Variants in LRBA observed in about 807,000 individuals in gnomAD.
The protein encoded by LRBA is lipopolysaccharide-responsive and beige-like anchor protein.
Under a neutral mutation model 330.0 loss-of-function variants are expected in LRBA, and 176 were observed. That is an observed-to-expected ratio of 0.53 (90% CI 0.47 to 0.60). The LOEUF is 0.60. Among genes scored for constraint, LRBA ranks in the 20% least tolerant of loss-of-function variants. The pLI, the probability that LRBA is intolerant of heterozygous loss-of-function variation, is 0.00. For missense variants in LRBA, 3,259 were observed against 3,444.8 expected, an observed-to-expected ratio of 0.95 and a Z score of 1.35; for synonymous variants, 1,230 against 1,193.0, an observed-to-expected ratio of 1.03 and a Z score of -0.64.
At chr4:150,422,945 T>C in intron 46 of LRBA, 2 of 786,442 alleles carry the variant, frequency 2.5e-6, no homozygotes, top group South Asian at 1.3e-5. Flanking sequence ...ACTTCATTCT[T>C]AATGACGTTC....
chr4:150,950,329 A>ATTCAAATCAATTTGAGTTTATG, intron 2 of LRBA, among the ~76,000 whole-genome samples: 1 of 152,334 alleles, frequency 6.6e-6, no homozygotes, highest in East Asian at 1.9e-4. Context: ...TGAATTTCAT[A>ATTCAAATCAATTTGAGTTTATG]TTCAAATCAA....
rs911783652 is a variant in LRBA at position 150,544,646 on chromosome 4, CCT to C, written c.6330+43400_6330+43401del. 3.3e-5 allele frequency among the ~76,000 whole-genome samples: 5 copies of C among 152,122 alleles called. No homozygotes were observed. The East Asian group carries it at 5.8e-4, about 18-fold the overall frequency. ...GTATATTGAAGCTTGTTGTTCACCC[CCT>C]GTTGGCATGTAAGCTCTGTAACATT... On this transcript the variant is annotated intron_variant, in intron 40 of 56. Transcript: ENST00000651943.
At chr4:150,579,793 C>T in intron 40 of LRBA, 1 of 451,858 alleles carries the variant, frequency 2.2e-6, no homozygotes, top group Non-Finnish European at 4.4e-6. Flanking sequence ...CCAACTCCGC[C>T]ACCCCTGAGG....
In LRBA at chr4:150,853,317, G is replaced by T. The variant is rs182045074; in HGVS notation, c.2767-374C>A. 1.1e-4 allele frequency among the ~76,000 whole-genome samples: 17 copies of T among 152,222 alleles called. No homozygotes were observed. In the East Asian group the frequency reaches 3.3e-3, roughly 29 times the overall value. ...GCACTGGATAACACTTGTTTCAACC[G>T]CTATGAATACCAATTTCCCCAGGAC... On this transcript the variant is annotated intron_variant, in intron 22 of 56. Coordinates refer to ENST00000651943, the MANE Select transcript of LRBA (RefSeq NM_001364905.1).
At chr4:150,808,803 C>A (rs193182514) in intron 31 of LRBA, among the ~76,000 whole-genome samples, 1 of 152,234 alleles carries the variant, frequency 6.6e-6, no homozygotes, top group Admixed American at 6.5e-5. Context: ...GAAAACTATC[C>A]GTATTCAGTT....
chr4:150,982,700 A>AAGATTACTAAG (rs900218403), intron 2 of LRBA, among the ~76,000 whole-genome samples: 3 of 152,198 alleles, frequency 2.0e-5, no homozygotes, highest in Admixed American at 2.0e-4. Context: ...GAATTAAAGG[A>AAGATTACTAAG]AGATTACTAA....
intron 52 of LRBA, among the ~76,000 whole-genome samples, chr4:150,303,623 G>C (rs534516752): frequency 6.6e-6 from 1 of 151,808 alleles, no homozygotes; most frequent in South Asian, 2.1e-4. Flanking sequence ...CCAGGCTGGA[G>C]TGTAGTGGCG....
intron 37 of LRBA, among the ~76,000 whole-genome samples, chr4:150,616,670 T>C (rs1418168144): frequency 6.6e-6 from 1 of 152,130 alleles, no homozygotes; most frequent in East Asian, 1.9e-4. Context: ...AGAGCTTGAG[T>C]GAAGCAAGTT....
chr4:150,802,004 TATAAATAAATAAATAAATAA>T lies in LRBA; in HGVS notation c.5519-3882_5519-3863del, dbSNP rs10582625. ...TGGGCAACGCAGCAAAACCCATCTC[TATAAATAAATAAATAAATAA>T]ATAAATAAATAAATAAATAAATAAA... On this transcript the variant is annotated intron_variant, in intron 33 of 56. Transcript: ENST00000651943. 2.3e-5 allele frequency among the ~76,000 whole-genome samples: 3 copies of T among 132,042 alleles called. No individual in the cohort carries two copies. The Admixed American group carries it at 2.5e-4, about 11-fold the overall frequency. 86.6% of individuals were successfully genotyped at this position (132,042 alleles called of 152,430 possible).
Position 150,629,604 on chromosome 4 carries a change from AC to A in LRBA, c.5922-30474del, listed in dbSNP as rs201977643. Among the ~76,000 whole-genome samples the A allele has an allele frequency of 9.8e-3, 1,483 of 152,100 alleles. 15 individuals are homozygous for A. The highest frequency in any genetic ancestry group is 0.014 in the Non-Finnish European group (952 of 67,998). ...CAGTGAGCCAAGGTCACACTACTGT[AC>A]TACAGCCTGGGTGGTGACAGAGCAA... On this transcript the variant is annotated intron_variant, in intron 37 of 56. Transcript: ENST00000651943.
chr4:150,586,541 T>A (rs1331535731), intron 40 of LRBA, among the ~76,000 whole-genome samples: 2 of 152,168 alleles, frequency 1.3e-5, no homozygotes, highest in African/African-American at 4.8e-5. Flanking sequence ...TGGCAGGAGT[T>A]TTAACTTCTG....
chr4:150,535,474 A>AT (rs1462109961), intron 40 of LRBA, among the ~76,000 whole-genome samples: 1 of 152,052 alleles, frequency 6.6e-6, no homozygotes, highest in African/African-American at 2.4e-5. Flanking sequence ...ATTTTTCTTG[A>AT]TTTTCTCTCC....
chr4:150,933,756 A>C lies in LRBA; in HGVS notation c.217-4691T>G, dbSNP rs1734762950. On this transcript the variant is annotated intron_variant, in intron 2 of 56. Transcript: ENST00000651943. ...GCCAGGTAGGGTGGCTTATGCCTGT[A>C]ATCCCAGCACTTTGGGAAACCGAGA... Among the ~76,000 whole-genome samples the C allele has an allele frequency of 2.0e-5, 3 of 152,162 alleles. No individual in the cohort carries two copies. The South Asian group carries it at 6.2e-4, about 32-fold the overall frequency.
chr4:150,905,720 C>G (rs982180194), intron 13 of LRBA, 118 bp downstream of exon 13: 2 of 832,506 alleles, frequency 2.4e-6, no homozygotes, highest in East Asian at 2.6e-5. Flanking sequence ...AAAAAGCAAT[C>G]CACTGAAGTC....
At chr4:150,884,223 C>T (rs557945572) in intron 17 of LRBA, among the ~76,000 whole-genome samples, 3 of 152,168 alleles carry the variant, frequency 2.0e-5, no homozygotes, top group Admixed American at 6.5e-5. Flanking sequence ...GACTTGGTTA[C>T]GAATCAATGG....
chr4:150,336,588 GA>G (rs1368920295), intron 48 of LRBA, among the ~76,000 whole-genome samples: 2 of 152,026 alleles, frequency 1.3e-5, no homozygotes, highest in Non-Finnish European at 2.9e-5. Flanking sequence ...ATTAGGGAGG[GA>G]AAGGAGTATT....
chr4:150,805,605 A>AAAAGAAAG (rs1560842972), intron 33 of LRBA, among the ~76,000 whole-genome samples: 1 of 64,042 alleles, frequency 1.6e-5, no homozygotes, highest in Non-Finnish European at 3.3e-5. Context: ...GGAAAGGAAA[A>AAAAGAAAG]GAAAGGAAAG....
chr4:150,330,457 T>C (rs889093695), intron 48 of LRBA, among the ~76,000 whole-genome samples: 3 of 152,196 alleles, frequency 2.0e-5, no homozygotes, highest in African/African-American at 7.2e-5. Context: ...CCCAAACTTT[T>C]TGGCACCAGG....
chr4:150,761,474 A>C (rs1419354717), intron 35 of LRBA, among the ~76,000 whole-genome samples: 1 of 152,098 alleles, frequency 6.6e-6, no homozygotes, highest in Non-Finnish European at 1.5e-5. Context: ...CACATAAAAT[A>C]ACTTGATAGA....
Sources: allele counts gnomAD v4.1 joint callset (sites outside exome capture counted in the v4.1 genomes callset), GRCh38; gene constraint gnomAD v4.1.1; transcripts MANE v1.5; gene names NCBI Gene and HGNC (gene_info 2026-07-23, HGNC 2026-07-21).